Variants in PTPRZ1 observed in about 807,000 individuals in gnomAD.
PTPRZ1 encodes the protein protein tyrosine phosphatase receptor type Z1.
Under a neutral mutation model 214.1 loss-of-function variants are expected in PTPRZ1, and 82 were observed. The ratio of observed to expected loss-of-function variants is 0.38; its 90% CI spans 0.32 to 0.46. The LOEUF is 0.46. Among genes scored for constraint, PTPRZ1 ranks in the 20% least tolerant of loss-of-function variants. The pLI, the probability that PTPRZ1 is intolerant of heterozygous loss-of-function variation, is 1.00. For missense variants in PTPRZ1, 2,603 were observed against 2,748.7 expected (o/e 0.95, Z 1.19); for synonymous variants, 945 against 987.9 (o/e 0.96, Z 0.81).
intron 3 of PTPRZ1, among the ~76,000 whole-genome samples, chr7:121,968,567 A>G (rs1011854558): frequency 7.2e-5 from 11 of 151,974 alleles, no homozygotes; most frequent in African/African-American, 1.2e-4. Flanking sequence ...GCTCTTCTAT[A>G]TAGAAGGTTT....
intron 15 of PTPRZ1, among the ~76,000 whole-genome samples, chr7:122,033,040 T>C (rs1309427097): frequency 1.3e-5 from 2 of 152,030 alleles, no homozygotes; most frequent in Non-Finnish European, 2.9e-5. Context: ...TACAAATTCA[T>C]GGTTTTCATA....
At chr7:121,874,907 A>G (rs889780854) in intron 1 of PTPRZ1, among the ~76,000 whole-genome samples, 1 of 152,074 alleles carries the variant, frequency 6.6e-6, no homozygotes. Context: ...TTGTAGATCT[A>G]TTTTAACAAA....
In PTPRZ1 at chr7:122,038,783, C is replaced by T. The variant is rs1455209256; in HGVS notation, c.5396C>T (p.Ala1799Val). 6.2e-7 allele frequency: 1 copy of T among 1,613,630 alleles called. No homozygotes were observed. The highest frequency in any genetic ancestry group is 8.5e-7 in the Non-Finnish European group (1 of 1,179,694). ...DGYNRPKAYIAAQGPLKSTAE... is the reference protein window; with the variant it reads ...DGYNRPKAYIVAQGPLKSTAE... ...TACAACAGACCAAAAGCTTATATTGCTGCCCAAGGCCCACTGAAATCCACA... is the reference window on the plus strand; with the variant it reads ...TACAACAGACCAAAAGCTTATATTGTTGCCCAAGGCCCACTGAAATCCACA... Residue 1799 changes from alanine (A) to valine (V), a missense_variant, in exon 19 of 30, where the codon GCT (alanine) becomes GTT (valine). By Grantham distance (64) the Ala-to-Val change is moderately conservative. Transcript: ENST00000393386.
intron 6 of PTPRZ1, among the ~76,000 whole-genome samples, chr7:121,979,793 T>A (rs1015362890): frequency 1.3e-5 from 2 of 152,190 alleles, no homozygotes; most frequent in African/African-American, 2.4e-5. Context: ...GTTACTTGGA[T>A]GAAGCAGGTG....
intron 1 of PTPRZ1, among the ~76,000 whole-genome samples, chr7:121,876,280 C>A (rs1032315643): frequency 6.6e-6 from 1 of 152,164 alleles, no homozygotes; most frequent in Non-Finnish European, 1.5e-5. Context: ...GGAGGCTTAA[C>A]TATGAGTCAT....
chr7:122,021,159 T>G (rs927275984), intron 13 of PTPRZ1, among the ~76,000 whole-genome samples: 1 of 152,180 alleles, frequency 6.6e-6, no homozygotes, highest in African/African-American at 2.4e-5. Flanking sequence ...ATTATAAGAT[T>G]GAAATTCGTT....
In PTPRZ1 at chr7:121,873,572, C is replaced by G. The variant is rs760920124; in HGVS notation, c.58+15C>G. ...TTGCCGCCTGGGTGAGTGAGAAGAG[C>G]TCGGTGGGGTTTCAGCTCCGGGATC... On this transcript the variant is annotated intron_variant, in intron 1 of 29. Coordinates refer to ENST00000393386, the MANE Select transcript of PTPRZ1 (RefSeq NM_002851.3). 6.2e-7 allele frequency: 1 copy of G among 1,613,418 alleles called. No individual in the cohort carries two copies. Among genetic ancestry groups the G allele is most frequent in the East Asian group, 2.2e-5 (1 of 44,834 alleles).
At chr7:121,894,075 T>A (rs1250783211) in intron 1 of PTPRZ1, among the ~76,000 whole-genome samples, 9 of 152,192 alleles carry the variant, frequency 5.9e-5, no homozygotes, top group African/African-American at 9.7e-5. Flanking sequence ...AATCATTTTT[T>A]AGAAAAAATT....
intron 2 of PTPRZ1, among the ~76,000 whole-genome samples, chr7:121,938,649 A>C (rs1219921974): frequency 6.6e-6 from 1 of 152,062 alleles, no homozygotes; most frequent in East Asian, 1.9e-4. Flanking sequence ...CAAAGGGCCT[A>C]TCTAGCTTTC....
At chr7:122,059,571 A>G in intron 28 of PTPRZ1, 182 bp from the exon 29 acceptor site, 1 of 658,960 alleles carries the variant, frequency 1.5e-6, no homozygotes, top group Admixed American at 3.0e-5. Flanking sequence ...TGATATCATG[A>G]ACACTTGGCA....
At chr7:121,968,324 C>A (rs1313330514) in intron 3 of PTPRZ1, among the ~76,000 whole-genome samples, 194 bp downstream of exon 3, 2 of 151,886 alleles carry the variant, frequency 1.3e-5, no homozygotes, top group African/African-American at 4.8e-5. Flanking sequence ...AAAAAAATGA[C>A]CAATGTCATC....
rs776241789 is a variant in PTPRZ1 at position 122,013,686 on chromosome 7, A to G, written c.4640A>G (p.Glu1547Gly). ...SKAWAVLTSDEESGSGQGTSD... is the reference protein window; with the variant it reads ...SKAWAVLTSDGESGSGQGTSD... Reference sequence around the variant, plus strand: ...GCATGGGCAGTTCTGACAAGTGATGAAGAAAGTGGATCAGGGCAAGGTACC... The same window carrying G: ...GCATGGGCAGTTCTGACAAGTGATGGAGAAAGTGGATCAGGGCAAGGTACC... The change falls in exon 12 of 30, where the codon GAA (glutamate) becomes GGA (glycine). Residue 1547 changes from glutamate to glycine, a missense_variant. Coordinates refer to ENST00000393386, the MANE Select transcript of PTPRZ1 (RefSeq NM_002851.3). The G allele has an allele frequency of 1.9e-6, 3 of 1,614,224 alleles. No homozygotes were observed. The highest frequency in any genetic ancestry group is 2.5e-6 in the Non-Finnish European group (3 of 1,180,042).
intron 27 of PTPRZ1, among the ~76,000 whole-genome samples, chr7:122,056,641 ATATT>A (rs1258721662): frequency 6.6e-6 from 1 of 151,818 alleles, no homozygotes; most frequent in African/African-American, 2.4e-5. Context: ...AATATTGAAT[ATATT>A]TAAGATGTTT....
At position 122,040,935 on chromosome 7, in the gene PTPRZ1, C is replaced by A; in HGVS notation, c.5757C>A (p.Ala1919=). 2 of 1,598,538 alleles carry A rather than the reference C, an allele frequency of 1.3e-6. No homozygotes were observed. The highest frequency in any genetic ancestry group is 1.7e-6 in the Non-Finnish European group (2 of 1,168,642). ...LPVLTFVRKA[A]YAKRHAVGPV... ...TGCTGACCTTTGTGAGAAAGGCAGC[C>A]TATGCCAAGCGCCATGCAGTGGGGC... The change falls in exon 21 of 30, where the codon GCC becomes GCA. Residue 1919 remains alanine, a synonymous_variant. Coordinates refer to ENST00000393386, the MANE Select transcript of PTPRZ1 (RefSeq NM_002851.3).
intron 10 of PTPRZ1, among the ~76,000 whole-genome samples, chr7:122,002,005 C>A (rs1339203363): frequency 1.3e-5 from 2 of 152,106 alleles, no homozygotes; most frequent in Non-Finnish European, 2.9e-5. Context: ...TCAGTTATTA[C>A]TTGTGAGAAA....
At chr7:121,913,676 GT>G (rs1563014685) in intron 1 of PTPRZ1, among the ~76,000 whole-genome samples, 1 of 152,006 alleles carries the variant, frequency 6.6e-6, no homozygotes, top group Admixed American at 6.6e-5. Flanking sequence ...TTATCTTGGG[GT>G]TTTTTATGAA....
intron 2 of PTPRZ1, among the ~76,000 whole-genome samples, chr7:121,963,080 G>T (rs933964603): frequency 6.6e-6 from 1 of 151,878 alleles, no homozygotes; most frequent in African/African-American, 2.4e-5. Context: ...TTTTAATCAT[G>T]AAAATTAAGA....
intron 14 of PTPRZ1, 36 bp downstream of exon 14, chr7:122,028,679 G>C (rs770000705): frequency 7.0e-7 from 1 of 1,433,202 alleles, no homozygotes; most frequent in Admixed American, 1.7e-5. Flanking sequence ...GTAGCTGGTA[G>C]ATGTTGAACA....
Position 122,051,498 on chromosome 7 carries a change from A to G in PTPRZ1, c.6155A>G (p.Asn2052Ser). Residue 2052 changes from asparagine to serine, a missense_variant, in exon 24 of 30, where the codon AAT (asparagine) becomes AGT (serine). By Grantham distance (46) the Asn-to-Ser change is conservative. Transcript: ENST00000393386. ...AALKQCNREK[N>S]RTSSIIPVER... is the part of the protein sequence containing the mutation. ...CTAAAGCAATGCAACAGGGAAAAGA[A>G]TCGAACTTCTTCTATCATCCCTGGT... 1 of 1,613,658 alleles carries G rather than the reference A, an allele frequency of 6.2e-7. No homozygotes were observed.
Sources: gnomAD v4.1 joint callset for allele counts (sites outside exome capture counted in the v4.1 genomes callset) on GRCh38, gnomAD v4.1.1 for gene constraint, MANE v1.5 for transcripts, NCBI Gene and HGNC (gene_info 2026-07-23, HGNC 2026-07-21) for gene names.